The following ANO1 variants were observed in gnomAD, a reference collection of about 807,000 sequenced individuals.
ANO1 encodes anoctamin-1.
In ANO1, 59 loss-of-function variants were observed where a neutral mutation model predicts 124.0. The ratio of observed to expected loss-of-function variants is 0.48; its 90% CI spans 0.39 to 0.59. The LOEUF is 0.59. Ranked by LOEUF, ANO1 falls within the 20% of genes least tolerant of loss-of-function variation. The pLI, the probability that ANO1 is intolerant of heterozygous loss-of-function variation, is 0.00. For synonymous variants in ANO1, 529 were observed against 532.0 expected (o/e 0.99, Z 0.08); for missense variants, 1,059 against 1,328.0 (o/e 0.80, Z 3.15).
chr11:70,110,902 G>A (rs2509185), intron 6 of ANO1, among the ~76,000 whole-genome samples: 124,729 of 152,266 alleles, frequency 0.82, 51,379 homozygotes, highest in Middle Eastern at 0.9. Context: ...CTGGGCGCCC[G>A]CATGCGCACC....
intron 8 of ANO1, among the ~76,000 whole-genome samples, chr11:70,123,352 CCT>C (rs1460001299): frequency 1.3e-5 from 2 of 152,200 alleles, no homozygotes; most frequent in Non-Finnish European, 2.9e-5. Context: ...GTTTCCCCTC[CCT>C]GTTTGTCAGT....
At chr11:70,143,374 G>T (rs1256530672) in intron 11 of ANO1, among the ~76,000 whole-genome samples, 2 of 152,168 alleles carry the variant, frequency 1.3e-5, no homozygotes, top group Non-Finnish European at 2.9e-5. Context: ...AGGAGGTGCC[G>T]CGAAATTAGG....
intron 1 of ANO1, among the ~76,000 whole-genome samples, chr11:70,070,847 C>A (rs1401623960): frequency 1.3e-5 from 2 of 152,218 alleles, no homozygotes; most frequent in East Asian, 3.9e-4. Context: ...GCCTGAGCAT[C>A]TCCTTCAGGG....
Position 70,163,327 on chromosome 11 carries a change from T to C in ANO1, c.1937T>C (p.Phe646Ser). 1 of 1,614,014 alleles carries C rather than the reference T, an allele frequency of 6.2e-7. No homozygotes were observed. The highest frequency in any genetic ancestry group is 8.5e-7 in the Non-Finnish European group (1 of 1,179,894). Residue 646 changes from phenylalanine (F) to serine (S), a missense_variant, in exon 19 of 26, where the codon TTC becomes TCC. By Grantham distance (155) the Phe-to-Ser change is radical. Transcript: ENST00000355303. The stretch of plus-strand genomic sequence containing the variant: ...GACTACGTGTACATTTTCCGTTCCT[T>C]CCGAATGGAAGAGGTAACCGAAATT... ...PGDYVYIFRS[F>S]RMEECAPGGC...
At chr11:70,158,845 GTGGGGGC>G (rs60928090) in intron 16 of ANO1, among the ~76,000 whole-genome samples, 114,396 of 150,512 alleles carry the variant, frequency 0.76, 43,662 homozygotes, top group East Asian at 0.85. Flanking sequence ...GACCCCCTCG[GTGGGGGC>G]TGGGGGCTGG....
At chr11:70,054,801 A>G (rs1591060219) in intron 1 of ANO1, among the ~76,000 whole-genome samples, 1 of 152,200 alleles carries the variant, frequency 6.6e-6, no homozygotes, top group East Asian at 1.9e-4. Context: ...TGGATTTAAT[A>G]TACAGTCCTT....
intron 11 of ANO1, among the ~76,000 whole-genome samples, chr11:70,145,522 C>A (rs2047336304): frequency 6.6e-6 from 1 of 152,182 alleles, no homozygotes. Context: ...CCCTCCACCC[C>A]ACCCCCAGCC....
intron 22 of ANO1, among the ~76,000 whole-genome samples, chr11:70,172,308 G>A (rs7122939): frequency 0.012 from 1,779 of 152,122 alleles, 46 homozygotes; most frequent in African/African-American, 0.041. Flanking sequence ...GGCTTCCACC[G>A]GAGCCAGCCA....
chr11:70,070,423 C>T (rs1365644538), intron 1 of ANO1, among the ~76,000 whole-genome samples: 1 of 152,202 alleles, frequency 6.6e-6, no homozygotes, highest in African/African-American at 2.4e-5. Flanking sequence ...CAGTGGCTCA[C>T]ACTAATCCCA....
intron 2 of ANO1, among the ~76,000 whole-genome samples, chr11:70,093,138 G>GTC (rs1287641805): frequency 1.4e-5 from 2 of 147,824 alleles, no homozygotes; most frequent in East Asian, 2.0e-4. Flanking sequence ...TCCTCTCTCT[G>GTC]TCTCTCTCTC....
chr11:70,060,033 C>G (rs1474324833), intron 1 of ANO1, among the ~76,000 whole-genome samples: 1 of 131,392 alleles, frequency 7.6e-6, no homozygotes, highest in African/African-American at 2.9e-5. Flanking sequence ...TTTCTGGTGT[C>G]CTTTATAATG....
At chr11:69,968,194 C>T in the ANO1 span, among the ~76,000 whole-genome samples, 3 of 152,146 alleles carry the variant, frequency 2.0e-5, no homozygotes, top group Non-Finnish European at 4.4e-5. Flanking sequence ...CTGGCTGGAA[C>T]GTCCTCTCCT....
chr11:70,111,904 G>A, intron 7 of ANO1, 142 bp downstream of exon 7: 1 of 854,688 alleles, frequency 1.2e-6, no homozygotes, highest in Non-Finnish European at 1.9e-6. Context: ...CTGTACACAG[G>A]CCTTCCCTGT....
intron 2 of ANO1, 32 bp from the exon 3 acceptor site, chr11:70,103,034 C>T (rs1240092509): frequency 6.6e-7 from 1 of 1,517,222 alleles, no homozygotes; most frequent in Non-Finnish European, 9.0e-7. Context: ...GCACCGCCCC[C>T]CCTCAACCCA....
chr11:69,986,319 C>T (rs1326253415), intron 1 of ANO1, among the ~76,000 whole-genome samples: 5 of 152,072 alleles, frequency 3.3e-5, no homozygotes, highest in African/African-American at 9.7e-5. Context: ...GACAGTCCTC[C>T]CCCCTCCGCG....
intron 11 of ANO1, among the ~76,000 whole-genome samples, chr11:70,145,152 G>A (rs966711030): frequency 1.3e-5 from 2 of 152,114 alleles, no homozygotes; most frequent in East Asian, 1.9e-4. Flanking sequence ...TCCTGCCTTC[G>A]CTCACTCCAC....
chr11:70,162,569 C>T lies in ANO1; in HGVS notation c.1893-714C>T, dbSNP rs367596266. Among the ~76,000 whole-genome samples the T allele has an allele frequency of 2.8e-3, 422 of 152,248 alleles. 4 individuals are homozygous for T. The highest frequency in any genetic ancestry group is 0.013 in the South Asian group (65 of 4,826). ...GGCCCTCTGGAGCCATCCCAGGCTG[C>T]GGTGGGGCCTGCGGCCCACCCACAA... On this transcript the variant is annotated intron_variant, in intron 18 of 25. Transcript: ENST00000355303.
chr11:69,994,910 C>T (rs1437653427), intron 1 of ANO1, among the ~76,000 whole-genome samples: 2 of 152,144 alleles, frequency 1.3e-5, no homozygotes, highest in African/African-American at 4.8e-5. Context: ...AGATTGTAAT[C>T]ATCACCATCA....
intron 1 of ANO1, among the ~76,000 whole-genome samples, chr11:70,035,196 T>G (rs1555004243): frequency 1.3e-5 from 2 of 152,276 alleles, no homozygotes; most frequent in South Asian, 2.1e-4. Flanking sequence ...TGGAGCTGCC[T>G]GGCAGCGGGA....
Sources: gnomAD v4.1 joint callset for allele counts (sites outside exome capture counted in the v4.1 genomes callset) on GRCh38, gnomAD v4.1.1 for gene constraint, MANE v1.5 for transcripts, NCBI Gene and HGNC (gene_info 2026-07-23, HGNC 2026-07-21) for gene names.